The following TRAPPC9 variants were observed in gnomAD, a reference collection of about 807,000 sequenced individuals.
TRAPPC9 encodes the protein trafficking protein particle complex subunit 9, also known as IKK2 binding protein.
TRAPPC9 carries 83 observed loss-of-function variants against 124.0 expected under a neutral mutation model. That is an observed-to-expected ratio of 0.67 (90% CI 0.56 to 0.80). The LOEUF is 0.80. Ranked by LOEUF, TRAPPC9 falls within the 30% of genes least tolerant of loss-of-function variation. The pLI, the probability that TRAPPC9 is intolerant of heterozygous loss-of-function variation, is 0.00. For synonymous variants in TRAPPC9, 638 were observed against 617.5 expected, an observed-to-expected ratio of 1.03 and a Z score of -0.49; for missense variants, 1,302 against 1,508.3, an observed-to-expected ratio of 0.86 and a Z score of 2.27.
intron 17 of TRAPPC9, among the ~76,000 whole-genome samples, chr8:140,140,341 T>C (rs1049978975): frequency 2.0e-5 from 3 of 152,214 alleles, no homozygotes; most frequent in African/African-American, 7.2e-5. Flanking sequence ...CAGAGATGCA[T>C]GTCCTCCGAT....
At chr8:139,935,636 T>C (rs1833460233) in intron 19 of TRAPPC9, among the ~76,000 whole-genome samples, 1 of 150,194 alleles carries the variant, frequency 6.7e-6, no homozygotes. Context: ...GTGAAAAGCA[T>C]CTCTTAGTTA....
chr8:140,054,206 C>T (rs1489326068), intron 17 of TRAPPC9, among the ~76,000 whole-genome samples: 1 of 152,206 alleles, frequency 6.6e-6, no homozygotes, highest in Non-Finnish European at 1.5e-5. Context: ...GAAAATCTAC[C>T]TGTTGGGTAC....
intron 17 of TRAPPC9, among the ~76,000 whole-genome samples, chr8:140,068,831 T>C (rs1042708487): frequency 8.5e-5 from 13 of 152,358 alleles, no homozygotes; most frequent in African/African-American, 3.1e-4. Flanking sequence ...ATTAACTACC[T>C]GAATTATGCA....
intron 17 of TRAPPC9, among the ~76,000 whole-genome samples, chr8:140,145,861 TC>T (rs2061454799): frequency 6.6e-6 from 1 of 151,868 alleles, no homozygotes; most frequent in Non-Finnish European, 1.5e-5. Flanking sequence ...TTTATTTTCT[TC>T]CTTCACATGT....
chr8:139,775,194 T>C (rs1821276199), intron 21 of TRAPPC9, among the ~76,000 whole-genome samples: 1 of 152,136 alleles, frequency 6.6e-6, no homozygotes, highest in Non-Finnish European at 1.5e-5. Context: ...CAGGGCCATG[T>C]CCACAACAGG....
chr8:140,219,280 C>T (rs1336787518), intron 17 of TRAPPC9, among the ~76,000 whole-genome samples: 1 of 152,202 alleles, frequency 6.6e-6, no homozygotes, highest in African/African-American at 2.4e-5. Context: ...TCAGCGCTGC[C>T]GGAGCCTGAA....
intron 17 of TRAPPC9, among the ~76,000 whole-genome samples, chr8:140,201,381 TG>T (rs370106938): frequency 3.9e-5 from 6 of 152,392 alleles, no homozygotes; most frequent in African/African-American, 1.4e-4. Flanking sequence ...GTTCACCTGC[TG>T]ATCTGCCTTG....
intron 7 of TRAPPC9, among the ~76,000 whole-genome samples, chr8:140,387,691 T>G (rs201486080): frequency 6.6e-6 from 1 of 152,088 alleles, no homozygotes. Context: ...TCTCACACCA[T>G]TCAGAATGGT....
intron 19 of TRAPPC9, among the ~76,000 whole-genome samples, chr8:139,970,309 A>C (rs1021153422): frequency 5.3e-5 from 8 of 152,350 alleles, no homozygotes; most frequent in African/African-American, 1.9e-4. Flanking sequence ...CTCGGTCCCC[A>C]GTGCTGTTCA....
At chr8:139,760,671 G>C (rs1354804548) in intron 21 of TRAPPC9, among the ~76,000 whole-genome samples, 1 of 152,168 alleles carries the variant, frequency 6.6e-6, no homozygotes, top group African/African-American at 2.4e-5. Flanking sequence ...GGTGACATCT[G>C]ATCACCCCAG....
intron 17 of TRAPPC9, among the ~76,000 whole-genome samples, chr8:140,081,503 A>G: frequency 6.6e-6 from 1 of 151,558 alleles, no homozygotes. Context: ...CCACCACCAC[A>G]CCCAGCTAAT....
chr8:139,879,987 G>A (rs183587339), intron 21 of TRAPPC9, among the ~76,000 whole-genome samples: 190 of 152,248 alleles, frequency 1.2e-3, no homozygotes, highest in African/African-American at 4.4e-3. Context: ...CATGGGGTCC[G>A]CGTCTGCTTG....
At chr8:140,203,815 C>T (rs1207657442) in intron 17 of TRAPPC9, among the ~76,000 whole-genome samples, 2 of 152,180 alleles carry the variant, frequency 1.3e-5, no homozygotes, top group East Asian at 3.8e-4. Flanking sequence ...AGAACTTCCC[C>T]ACTGGCTGGG....
chr8:140,202,162 TTA>T (rs1491572949), intron 17 of TRAPPC9, among the ~76,000 whole-genome samples: 1 of 123,480 alleles, frequency 8.1e-6, no homozygotes, highest in South Asian at 2.8e-4. Context: ...TCTTCTGTAA[TTA>T]AAAAAAAAAA....
chr8:140,388,959 T>C (rs1165933359), intron 7 of TRAPPC9, among the ~76,000 whole-genome samples: 2 of 128,934 alleles, frequency 1.6e-5, no homozygotes, highest in Non-Finnish European at 3.1e-5. Context: ...ACACTGTCTT[T>C]TTTTTTTTTT....
intron 19 of TRAPPC9, among the ~76,000 whole-genome samples, chr8:139,970,443 G>A (rs1397884834): frequency 6.6e-6 from 1 of 152,132 alleles, no homozygotes; most frequent in Admixed American, 6.5e-5. Flanking sequence ...GGGAGGGAGG[G>A]TACAAGGGAA....
chr8:140,167,943 A>C (rs1244410936), intron 17 of TRAPPC9, among the ~76,000 whole-genome samples: 1 of 152,216 alleles, frequency 6.6e-6, no homozygotes, highest in Non-Finnish European at 1.5e-5. Flanking sequence ...GAAAATATGC[A>C]TTATGGATAA....
At chr8:140,295,074 G>A (rs1260443873) in intron 11 of TRAPPC9, among the ~76,000 whole-genome samples, 1 of 152,140 alleles carries the variant, frequency 6.6e-6, no homozygotes, top group East Asian at 1.9e-4. Flanking sequence ...TGCCCTCCCT[G>A]TTGCGGGACA....
chr8:140,270,216 G>A (rs1380042653), intron 15 of TRAPPC9, among the ~76,000 whole-genome samples: 2 of 152,210 alleles, frequency 1.3e-5, no homozygotes, highest in Non-Finnish European at 2.9e-5. Flanking sequence ...TCCGGGAAGG[G>A]GGCGGTGTCT....
Sources: allele counts gnomAD v4.1 joint callset (sites outside exome capture counted in the v4.1 genomes callset), GRCh38; gene constraint gnomAD v4.1.1; transcripts MANE v1.5; gene names NCBI Gene and HGNC (gene_info 2026-07-23, HGNC 2026-07-21).